Variants in PCDHGB1 observed in about 807,000 individuals in gnomAD.
The protein encoded by PCDHGB1 is protocadherin gamma subfamily B, 1, also known as protocadherin gamma-B1.
PCDHGB1 carries 34 observed loss-of-function variants against 56.6 expected under a neutral mutation model. The ratio of observed to expected loss-of-function variants is 0.60; its 90% CI spans 0.46 to 0.80. The LOEUF (loss-of-function observed/expected upper bound fraction) is 0.80. PCDHGB1 is among the 30% of genes least tolerant of loss of function. PCDHGB1 has a pLI of 0.00. For missense variants in PCDHGB1, 1,278 were observed against 1,204.6 expected, an observed-to-expected ratio of 1.06 and a Z score of -0.90; for synonymous variants, 561 against 505.9, an observed-to-expected ratio of 1.11 and a Z score of -1.46.
intron 1 of PCDHGB1, chr5:141,371,948 A>C (rs200505160): frequency 1.9e-6 from 3 of 1,613,136 alleles, no homozygotes; most frequent in Admixed American, 1.7e-5. Context: ...TCGCGCAGCG[A>C]GCCTTCGACC....
At position 141,490,664 on chromosome 5, in the gene PCDHGB1, C is replaced by T; in HGVS notation, c.2410-4143C>T. 6.2e-7 allele frequency: 1 copy of T among 1,614,212 alleles called. No homozygotes were observed. The highest frequency in any genetic ancestry group is 1.1e-5 in the South Asian group (1 of 91,084). On this transcript the variant is annotated intron_variant, in intron 1 of 3. Coordinates refer to ENST00000523390, the MANE Select transcript of PCDHGB1 (RefSeq NM_018922.3). The surrounding 1 kb of genome is among the most constrained non-coding windows in gnomAD (Gnocchi z 5.4). ...CGGCCTCCGGGCTCCCTTCTTTGCA[C>T]TGTGGCTGCCTCAGATCCAGACACT...
At chr5:141,378,732 A>G (rs1311282729) in intron 1 of PCDHGB1, 1 of 152,232 alleles carries the variant, frequency 6.6e-6, no homozygotes, top group Admixed American at 6.5e-5. Context: ...CTCTTTATTG[A>G]AATATTTCAA....
chr5:141,413,002 G>A, intron 1 of PCDHGB1: 2 of 597,506 alleles, frequency 3.3e-6, no homozygotes, highest in East Asian at 3.0e-5. Context: ...GGATTCTCAG[G>A]GCTTCAACTA....
intron 1 of PCDHGB1, chr5:141,413,647 C>T (rs1371772412): frequency 1.2e-6 from 2 of 1,613,880 alleles, no homozygotes; most frequent in Non-Finnish European, 1.7e-6. Context: ...GCGTTTTCCT[C>T]TCCCGGAAGC....
At position 141,486,002 on chromosome 5, in the gene PCDHGB1, G is replaced by A. The variant is rs372373315; in HGVS notation, c.2410-8805G>A. ...CCCGGACCTGGGTCCCAGTGGTAAC[G>A]TCACCTTTTATTTCAGTGGTCATAC... On this transcript the variant is annotated intron_variant, in intron 1 of 3. Coordinates refer to ENST00000523390, the MANE Select transcript of PCDHGB1 (RefSeq NM_018922.3). The surrounding 1 kb of genome is among the most constrained non-coding windows in gnomAD (Gnocchi z 5.0). 2.0e-5 allele frequency: 33 copies of A among 1,614,030 alleles called. No homozygotes were observed. The highest frequency in any genetic ancestry group is 2.8e-5 in the Non-Finnish European group (33 of 1,180,014).
At chr5:141,407,615 A>T (rs780052436) in intron 1 of PCDHGB1, among the ~76,000 whole-genome samples, 2 of 152,140 alleles carry the variant, frequency 1.3e-5, no homozygotes, top group Non-Finnish European at 2.9e-5. Context: ...GCATTGGTTG[A>T]CATTCTATAT....
rs1181655493 is a variant in PCDHGB1, at chr5:141,351,376, T to C, written c.1116T>C (p.Ser372=). The part of the protein sequence containing the change: ...IALIKVRDKD[S]GQNGMVTCYT... ...TCATAAAAGTGCGAGACAAGGATTC[T>C]GGGCAAAATGGCATGGTGACATGCT... Residue 372 remains serine (S), a synonymous_variant, in exon 1 of 4, where the codon TCT becomes TCC. Coordinates refer to ENST00000523390, the MANE Select transcript of PCDHGB1 (RefSeq NM_018922.3). The C allele has an allele frequency of 1.2e-6, 2 of 1,612,508 alleles. No homozygotes were observed. The highest frequency in any genetic ancestry group is 2.2e-5 in the East Asian group (1 of 44,864).
At chr5:141,499,689 CT>C (rs545067566) in intron 2 of PCDHGB1, among the ~76,000 whole-genome samples, 4,434 of 119,828 alleles carry the variant, frequency 0.037, 46 homozygotes, top group African/African-American at 0.083. Context: ...TAACAGATGA[CT>C]TTTTTTTTTT....
Position 141,431,199 on chromosome 5 carries a change from C to T in PCDHGB1, c.2410-63608C>T. 1 of 1,614,194 alleles carries T rather than the reference C, an allele frequency of 6.2e-7. No homozygotes were observed. Among genetic ancestry groups the T allele is most frequent in the East Asian group, 2.2e-5 (1 of 44,890 alleles). ...GAAATAAAAATTAGTGAAAATGCAG[C>T]CACTGAGATGCGGTTCCCTCTACCC... On this transcript the variant is annotated intron_variant, in intron 1 of 3. Transcript: ENST00000523390. This position sits in a 1 kb window ranked among gnomAD's most constrained non-coding sequence, Gnocchi z 4.8.
In PCDHGB1 at chr5:141,432,921, A is replaced by G; in HGVS notation, c.2410-61886A>G. On this transcript the variant is annotated intron_variant, in intron 1 of 3. Transcript: ENST00000523390. The surrounding 1 kb of genome is among the most constrained non-coding windows in gnomAD (Gnocchi z 6.0). ...GCGCTCAGGCTGCGGCGCTGGCACAAGTCACGCCTGCTGCAGGCTTCAGGA... is the reference window on the plus strand; with the variant it reads ...GCGCTCAGGCTGCGGCGCTGGCACAGGTCACGCCTGCTGCAGGCTTCAGGA... 6.2e-7 allele frequency: 1 copy of G among 1,614,114 alleles called. No individual in the cohort carries two copies. The highest frequency in any genetic ancestry group is 1.7e-4 in the Middle Eastern group (1 of 6,060).
At chr5:141,393,825 G>A (rs2092852640) in intron 1 of PCDHGB1, 10 of 1,613,964 alleles carry the variant, frequency 6.2e-6, no homozygotes, top group Non-Finnish European at 8.5e-6. Context: ...CATTTCGGTG[G>A]AAGATGTAAA....
intron 1 of PCDHGB1, chr5:141,404,552 G>A: frequency 6.2e-7 from 1 of 1,613,826 alleles, no homozygotes; most frequent in Non-Finnish European, 8.5e-7. Context: ...GCAGGTGACG[G>A]CAAGTGACAG....
At chr5:141,373,775 C>A in intron 1 of PCDHGB1, 1 of 265,272 alleles carries the variant, frequency 3.8e-6, no homozygotes, top group Non-Finnish European at 7.0e-6. Flanking sequence ...GTCATCTCTG[C>A]AGATTTAGCA....
At chr5:141,375,794 G>A (rs754100940) in intron 1 of PCDHGB1, 1 of 1,614,170 alleles carries the variant, frequency 6.2e-7, no homozygotes, top group East Asian at 2.2e-5. Context: ...CCCCACAGAC[G>A]GTTCCACTGG....
intron 1 of PCDHGB1, chr5:141,356,367 T>A: frequency 6.4e-7 from 1 of 1,559,764 alleles, no homozygotes; most frequent in South Asian, 1.2e-5. Context: ...TTCCAGATAA[T>A]CTGCCATTCA....
intron 1 of PCDHGB1, chr5:141,420,034 C>T (rs373590502): frequency 7.8e-5 from 126 of 1,613,970 alleles, no homozygotes; most frequent in Non-Finnish European, 9.3e-5. Context: ...CTGCAGGAGA[C>T]TGCTTTGAGT....
At position 141,386,477 on chromosome 5, in the gene PCDHGB1, G is replaced by A. The variant is rs78371655; in HGVS notation, c.2409+33808G>A. ...GACAGCTTGAACCCAAGAATTGGAG[G>A]CCCACCTAGATAATATAACAAGACT... is the stretch of plus-strand genomic sequence containing the variant. On this transcript the variant is annotated intron_variant, in intron 1 of 3. Coordinates refer to ENST00000523390, the MANE Select transcript of PCDHGB1 (RefSeq NM_018922.3). Among the ~76,000 whole-genome samples the A allele has an allele frequency of 2.5e-3, 384 of 151,668 alleles. 1 individual carries two copies. Among genetic ancestry groups the A allele is most frequent in the African/African-American group, 8.8e-3 (362 of 41,292 alleles).
At chr5:141,430,842 G>A (rs935750449) in intron 1 of PCDHGB1, 4 of 1,567,068 alleles carry the variant, frequency 2.6e-6, no homozygotes, top group Non-Finnish European at 3.4e-6. Flanking sequence ...GAGACCGGAT[G>A]CACCCAGATA....
chr5:141,356,677 G>A (rs759254327), intron 1 of PCDHGB1: 78 of 1,613,980 alleles, frequency 4.8e-5, no homozygotes, highest in Middle Eastern at 1.6e-4. Flanking sequence ...CTCCCTGGCC[G>A]AAGACACCTT....
Sources: allele counts gnomAD v4.1 joint callset (sites outside exome capture counted in the v4.1 genomes callset), GRCh38; gene constraint gnomAD v4.1.1; non-coding constraint Gnocchi (gnomAD v3.1); transcripts MANE v1.5; gene names NCBI Gene and HGNC (gene_info 2026-07-23, HGNC 2026-07-21).